Variants in KIF6 observed in about 807,000 individuals in gnomAD.
The protein encoded by KIF6 is kinesin-like protein KIF6.
In KIF6, 106 loss-of-function variants were observed where a neutral mutation model predicts 112.7. That is an observed-to-expected ratio of 0.94 (90% CI 0.80 to 1.11). The LOEUF is 1.11. KIF6 is among the 50% of genes least tolerant of loss of function. KIF6 has a pLI of 0.00. For missense variants in KIF6, 929 were observed against 964.0 expected, an observed-to-expected ratio of 0.96 and a Z score of 0.48; for synonymous variants, 339 against 339.9, an observed-to-expected ratio of 1.00 and a Z score of 0.03.
chr6:39,685,270 A>T (rs1485862665), intron 3 of KIF6, among the ~76,000 whole-genome samples: 1 of 152,222 alleles, frequency 6.6e-6, no homozygotes, highest in Non-Finnish European at 1.5e-5. Context: ...AGGCCTCAGG[A>T]AACAAATGGA....
At chr6:39,511,166 T>A (rs1776760011) in intron 13 of KIF6, among the ~76,000 whole-genome samples, 1 of 151,812 alleles carries the variant, frequency 6.6e-6, no homozygotes, top group Non-Finnish European at 1.5e-5. Context: ...AGACAGAAAA[T>A]TAACAAGGAT....
intron 15 of KIF6, among the ~76,000 whole-genome samples, chr6:39,415,703 G>A (rs1442175046): frequency 1.3e-5 from 2 of 152,156 alleles, no homozygotes; most frequent in East Asian, 1.9e-4. Context: ...CTCCAATGAC[G>A]CTTAAGTACA....
At chr6:39,681,502 G>A in intron 3 of KIF6, among the ~76,000 whole-genome samples, 1 of 151,942 alleles carries the variant, frequency 6.6e-6, no homozygotes, top group East Asian at 1.9e-4. Flanking sequence ...ATCTTTTCTT[G>A]TCAACAAATC....
chr6:39,689,115 T>C (rs1788034436), intron 3 of KIF6, among the ~76,000 whole-genome samples: 1 of 150,882 alleles, frequency 6.6e-6, no homozygotes, highest in African/African-American at 2.4e-5. Context: ...AGACGCTGTC[T>C]GCAAAAAAAA....
At chr6:39,628,020 A>G (rs1784175039) in intron 5 of KIF6, among the ~76,000 whole-genome samples, 1 of 152,186 alleles carries the variant, frequency 6.6e-6, no homozygotes, top group Non-Finnish European at 1.5e-5. Context: ...ATGTCTATAT[A>G]CAAATATATA....
rs950984234 is a variant in KIF6, at chr6:39,609,205, C to G, written c.639+3984G>C. On this transcript the variant is annotated intron_variant, in intron 6 of 22. Transcript: ENST00000287152. The stretch of plus-strand genomic sequence containing the variant: ...AAGAAACCACAGAGTAGAACCAACA[C>G]TGACTGGAGGAAGTCACCTGACCAT... 5.9e-5 allele frequency among the ~76,000 whole-genome samples: 9 copies of G among 152,270 alleles called. No homozygotes were observed. The East Asian group carries it at 1.5e-3, about 26-fold the overall frequency.
At position 39,635,750 on chromosome 6, in the gene KIF6, G is replaced by A. The variant is rs549671600; in HGVS notation, c.400-792C>T. On this transcript the variant is annotated intron_variant, in intron 4 of 22. Transcript: ENST00000287152. ...AAAATGACCCATTCCCTCTGAGGTGGAATAAAATAAGGAATTTTTTCAACT... is the reference window on the plus strand; with the variant it reads ...AAAATGACCCATTCCCTCTGAGGTGAAATAAAATAAGGAATTTTTTCAACT... Among the ~76,000 whole-genome samples the A allele has an allele frequency of 2.0e-5, 3 of 152,170 alleles. No individual in the cohort carries two copies. In the East Asian group the frequency reaches 5.8e-4, roughly 29 times the overall value.
chr6:39,544,487 G>A (rs985262372), intron 12 of KIF6, 68 bp downstream of exon 12: 2 of 1,512,180 alleles, frequency 1.3e-6, no homozygotes, highest in Non-Finnish European at 1.8e-6. Context: ...TGTGGCTCAG[G>A]AAAGACTGCT....
At chr6:39,714,399 C>T (rs974273088) in intron 3 of KIF6, among the ~76,000 whole-genome samples, 1 of 128,682 alleles carries the variant, frequency 7.8e-6, no homozygotes, top group South Asian at 2.4e-4. Context: ...CCCATGCAAC[C>T]CTGAGTAGTG....
At chr6:39,696,244 C>T (rs72853248) in intron 3 of KIF6, among the ~76,000 whole-genome samples, 25 of 152,242 alleles carry the variant, frequency 1.6e-4, no homozygotes, top group Non-Finnish European at 2.4e-4. Flanking sequence ...CTCAGAACCA[C>T]GTAATATACC....
chr6:39,649,753 GAAAGAAAGAAAGAAAGAAAGA>G (rs371229140), intron 3 of KIF6, among the ~76,000 whole-genome samples: 26,876 of 150,820 alleles, frequency 0.18, 3,102 homozygotes, highest in South Asian at 0.3. Context: ...AAGAAAGAAA[GAAAGAAAGAAAGAAAGAAAGA>G]AAAGAAACTA....
intron 13 of KIF6, among the ~76,000 whole-genome samples, chr6:39,503,609 T>G (rs1455538713): frequency 6.6e-6 from 1 of 150,786 alleles, no homozygotes; most frequent in Non-Finnish European, 1.5e-5. Context: ...AGAGAGAAGA[T>G]TCAAATAAAC....
intron 7 of KIF6, among the ~76,000 whole-genome samples, chr6:39,593,171 A>C (rs960847396): frequency 5.9e-5 from 9 of 152,204 alleles, no homozygotes; most frequent in Non-Finnish European, 1.3e-4. Flanking sequence ...CACAGCACCC[A>C]GTAAACATTC....
In KIF6 at chr6:39,343,420, A is replaced by G; in HGVS notation, c.2428+289T>C. The G allele has an allele frequency of 1.4e-6, 2 of 1,383,116 alleles. No individual in the cohort carries two copies. The highest frequency in any genetic ancestry group is 1.2e-5 in the South Asian group (1 of 81,840). The allele number at this position is 1,383,116 out of a possible 1,614,324, so 85.7% of individuals were successfully genotyped here. On this transcript the variant is annotated intron_variant, in intron 22 of 22. Coordinates refer to ENST00000287152, the MANE Select transcript of KIF6 (RefSeq NM_145027.6). This position sits in a 1 kb window ranked among gnomAD's most constrained non-coding sequence, Gnocchi z 4.1. ...AGACAGCTGACTTTGGGAACAGAGA[A>G]CAAAGGAGCTGAAGATCTGGAAGAG...
intron 13 of KIF6, among the ~76,000 whole-genome samples, chr6:39,509,398 G>C (rs1414003118): frequency 2.6e-5 from 4 of 152,236 alleles, no homozygotes; most frequent in Non-Finnish European, 5.9e-5. Flanking sequence ...GTTGAGAGAA[G>C]TAGGCTTCAG....
rs762617906 is a variant in KIF6 at position 39,626,157 on chromosome 6, C to T, written c.509+8692G>A. Reference sequence around the variant, plus strand: ...CAGATTGAAATCAGTTTCCCCTCTTCTGCCCCCACAGAATCCAGGGCATCT... The same window carrying T: ...CAGATTGAAATCAGTTTCCCCTCTTTTGCCCCCACAGAATCCAGGGCATCT... On this transcript the variant is annotated intron_variant, in intron 5 of 22. Transcript: ENST00000287152. Among the ~76,000 whole-genome samples, 18 of 152,286 alleles carry T rather than the reference C, an allele frequency of 1.2e-4. 1 individual carries two copies. The Middle Eastern group carries it at 0.02, about 173-fold the overall frequency.
At chr6:39,339,477 G>A (rs1219361313) in intron 22 of KIF6, among the ~76,000 whole-genome samples, 1 of 152,034 alleles carries the variant, frequency 6.6e-6, no homozygotes, top group Non-Finnish European at 1.5e-5. Flanking sequence ...GAGCTGGAGG[G>A]TTTCTCTGAG....
intron 13 of KIF6, among the ~76,000 whole-genome samples, chr6:39,535,708 T>C (rs1358217469): frequency 3.9e-5 from 6 of 152,216 alleles, no homozygotes; most frequent in African/African-American, 1.2e-4. Context: ...CTGCACCAAG[T>C]GGACCTAATA....
intron 16 of KIF6, among the ~76,000 whole-genome samples, chr6:39,379,927 A>G (rs978459689): frequency 2.6e-5 from 4 of 152,344 alleles, no homozygotes; most frequent in Admixed American, 6.5e-5. Context: ...TAAAGTGAGG[A>G]TAATAGTAAC....
Sources: gnomAD v4.1 joint callset for allele counts (sites outside exome capture counted in the v4.1 genomes callset) on GRCh38, gnomAD v4.1.1 for gene constraint, Gnocchi (gnomAD v3.1) non-coding constraint, MANE v1.5 for transcripts, NCBI Gene and HGNC (gene_info 2026-07-23, HGNC 2026-07-21) for gene names.